Variants in DCC observed in about 807,000 individuals in gnomAD.
DCC encodes netrin receptor DCC.
DCC carries 58 observed loss-of-function variants against 172.5 expected under a neutral mutation model. That is an observed-to-expected ratio of 0.34 (90% CI 0.27 to 0.42). DCC has a LOEUF of 0.42. Ranked by LOEUF, DCC falls within the 10% of genes least tolerant of loss-of-function variation. DCC has a pLI of 1.00. For missense variants in DCC, 1,740 were observed against 1,791.0 expected (o/e 0.97, Z 0.51); for synonymous variants, 709 against 644.5 (o/e 1.10, Z -1.52).
intron 5 of DCC, among the ~76,000 whole-genome samples, chr18:53,044,340 T>G (rs1376200791): frequency 6.6e-6 from 1 of 151,854 alleles, no homozygotes; most frequent in African/African-American, 2.4e-5. Context: ...TTGAAATGCT[T>G]TGATAACTTG....
At chr18:52,399,691 C>G (rs141564638) in intron 1 of DCC, among the ~76,000 whole-genome samples, 5 of 152,002 alleles carry the variant, frequency 3.3e-5, no homozygotes, top group South Asian at 2.1e-4. Flanking sequence ...TATTTGTTCT[C>G]ACTTTTCTGT....
At chr18:52,951,089 C>T (rs2040639263) in intron 5 of DCC, among the ~76,000 whole-genome samples, 1 of 151,858 alleles carries the variant, frequency 6.6e-6, no homozygotes, top group Non-Finnish European at 1.5e-5. Flanking sequence ...CCTGCATTGC[C>T]AGCAAGCTAG....
chr18:52,997,267 C>G (rs1365931167), intron 5 of DCC, among the ~76,000 whole-genome samples: 1 of 152,062 alleles, frequency 6.6e-6, no homozygotes, highest in Non-Finnish European at 1.5e-5. Context: ...AGCCTCCATC[C>G]CTTCATATTC....
intron 2 of DCC, among the ~76,000 whole-genome samples, chr18:52,825,614 T>A (rs1271262348): frequency 6.6e-6 from 1 of 152,216 alleles, no homozygotes; most frequent in African/African-American, 2.4e-5. Context: ...TCTCTGCCCT[T>A]GAAATTTCTG....
chr18:53,239,201 A>T (rs905981746), intron 12 of DCC, among the ~76,000 whole-genome samples: 1 of 140,074 alleles, frequency 7.1e-6, no homozygotes, highest in African/African-American at 3.2e-5. Flanking sequence ...AATAATAATA[A>T]AAATAAATAA....
chr18:52,975,625 C>A (rs1043865831), intron 5 of DCC, among the ~76,000 whole-genome samples: 3 of 152,066 alleles, frequency 2.0e-5, no homozygotes, highest in East Asian at 3.9e-4. Flanking sequence ...GTTTTCTGTT[C>A]CTGTGTTAGT....
At chr18:53,212,611 A>T (rs377335623) in intron 11 of DCC, among the ~76,000 whole-genome samples, 1 of 152,190 alleles carries the variant, frequency 6.6e-6, no homozygotes, top group East Asian at 1.9e-4. Flanking sequence ...AACTACTTCA[A>T]TACCATTACA....
intron 1 of DCC, among the ~76,000 whole-genome samples, chr18:52,355,511 A>G (rs1387798659): frequency 6.6e-6 from 1 of 152,218 alleles, no homozygotes; most frequent in Non-Finnish European, 1.5e-5. Context: ...GACATTTTTG[A>G]AAAACATTAC....
chr18:53,320,595 C>T (rs1430819318), intron 13 of DCC, among the ~76,000 whole-genome samples: 1 of 152,118 alleles, frequency 6.6e-6, no homozygotes, highest in Non-Finnish European at 1.5e-5. Flanking sequence ...GTTAACAAAT[C>T]AAAGTGAGCA....
At chr18:52,501,185 G>A (rs1353469514) in intron 1 of DCC, among the ~76,000 whole-genome samples, 1 of 152,078 alleles carries the variant, frequency 6.6e-6, no homozygotes. Context: ...CCAAGTGCAT[G>A]GCTTTACACG....
chr18:52,663,455 A>T (rs1439266655), intron 1 of DCC, among the ~76,000 whole-genome samples: 2 of 152,152 alleles, frequency 1.3e-5, no homozygotes, highest in Admixed American at 1.3e-4. Context: ...TGTACTGCTA[A>T]GTGGACCTAG....
At chr18:53,040,742 C>A (rs1182867623) in intron 5 of DCC, among the ~76,000 whole-genome samples, 1 of 151,780 alleles carries the variant, frequency 6.6e-6, no homozygotes, top group Non-Finnish European at 1.5e-5. Flanking sequence ...TGGGATCTGG[C>A]AAACTAATCA....
chr18:52,547,242 A>C (rs1042861117), intron 1 of DCC, among the ~76,000 whole-genome samples: 1 of 152,188 alleles, frequency 6.6e-6, no homozygotes, highest in African/African-American at 2.4e-5. Flanking sequence ...GCACTTAACC[A>C]TGTAGCATTA....
At chr18:52,543,428 C>G (rs956831905) in intron 1 of DCC, among the ~76,000 whole-genome samples, 1 of 152,172 alleles carries the variant, frequency 6.6e-6, no homozygotes, top group African/African-American at 2.4e-5. Context: ...CTACTTGTGT[C>G]TAATTCGTGC....
In DCC at chr18:52,785,520, G is replaced by A. The variant is rs143466026; in HGVS notation, c.412+33146G>A. Among the ~76,000 whole-genome samples, 259 of 152,126 alleles carry A rather than the reference G, an allele frequency of 1.7e-3. 1 individual carries two copies. Among genetic ancestry groups the A allele is most frequent in the African/African-American group, 5.7e-3 (238 of 41,520 alleles). ...CAACTTTTTCTGGCTACTTCCTGCT[G>A]AAAGGGGTATCATGTGGGGAAAAGC... On this transcript the variant is annotated intron_variant, in intron 2 of 28. Coordinates refer to ENST00000442544, the MANE Select transcript of DCC (RefSeq NM_005215.4).
At chr18:52,767,493 C>G (rs1213750574) in intron 2 of DCC, among the ~76,000 whole-genome samples, 1 of 152,138 alleles carries the variant, frequency 6.6e-6, no homozygotes, top group African/African-American at 2.4e-5. Context: ...GAGACTCATG[C>G]TTATTATGAC....
chr18:52,437,781 G>T (rs6508142), intron 1 of DCC, among the ~76,000 whole-genome samples: 52,052 of 151,972 alleles, frequency 0.34, 12,041 homozygotes, highest in African/African-American at 0.65. Context: ...TTGGCTATAT[G>T]GAACAGGAAC....
intron 1 of DCC, among the ~76,000 whole-genome samples, chr18:52,730,097 A>AT (rs202050771): frequency 3.3e-5 from 5 of 152,212 alleles, no homozygotes; most frequent in Non-Finnish European, 5.9e-5. Context: ...TGTTTCAATG[A>AT]TTTTTTTAAA....
intron 2 of DCC, among the ~76,000 whole-genome samples, chr18:52,756,743 AT>A (rs777022776): frequency 6.6e-6 from 1 of 152,076 alleles, no homozygotes; most frequent in Non-Finnish European, 1.5e-5. Flanking sequence ...CCTCTGGAGT[AT>A]TTTCTGTTCA....
Sources: allele counts gnomAD v4.1 joint callset (sites outside exome capture counted in the v4.1 genomes callset), GRCh38; gene constraint gnomAD v4.1.1; transcripts MANE v1.5; gene names NCBI Gene and HGNC (gene_info 2026-07-23, HGNC 2026-07-21).